SGCZ: variants seen among roughly 807,000 people sequenced by gnomAD.
SGCZ encodes the protein zeta-sarcoglycan.
Under a neutral mutation model 41.3 loss-of-function variants are expected in SGCZ, and 40 were observed. The observed-to-expected ratio is 0.97, with a 90% CI of 0.75 to 1.26. The LOEUF is 1.26. Ranked by LOEUF, SGCZ falls within the 50% of genes most tolerant of loss-of-function variation. The probability of loss-of-function intolerance (pLI) is 0.00; values close to 1 mark genes in which losing one functional copy is unlikely to be tolerated. For missense variants in SGCZ, 552 were observed against 369.8 expected (o/e 1.49, Z -4.04); for synonymous variants, 206 against 137.5 (o/e 1.50, Z -3.49).
chr8:14,795,608 G>A (rs779201681), intron 1 of SGCZ, among the ~76,000 whole-genome samples: 9 of 152,058 alleles, frequency 5.9e-5, no homozygotes, highest in South Asian at 2.1e-4. Context: ...TATTTTTTGC[G>A]TGCAAATTAA....
intron 1 of SGCZ, among the ~76,000 whole-genome samples, chr8:15,121,456 G>T (rs1807473084): frequency 6.6e-6 from 1 of 152,126 alleles, no homozygotes; most frequent in African/African-American, 2.4e-5. Flanking sequence ...GTACCAAGAA[G>T]ACTCATTGAG....
chr8:14,284,155 C>G (rs1292826737), intron 3 of SGCZ, among the ~76,000 whole-genome samples: 1 of 152,172 alleles, frequency 6.6e-6, no homozygotes, highest in African/African-American at 2.4e-5. Flanking sequence ...ACTTTGGAGT[C>G]CAAGGCAGGC....
chr8:14,332,381 C>CG (rs1802362993), intron 2 of SGCZ, among the ~76,000 whole-genome samples: 1 of 151,924 alleles, frequency 6.6e-6, no homozygotes, highest in Non-Finnish European at 1.5e-5. Flanking sequence ...GCGGAGCTTG[C>CG]GGTGAGCCGA....
intron 1 of SGCZ, among the ~76,000 whole-genome samples, chr8:15,140,004 C>T (rs185744366): frequency 7.2e-5 from 11 of 151,926 alleles, no homozygotes; most frequent in Middle Eastern, 6.8e-3. Context: ...GTTGGGGGGA[C>T]GGACACTGGT....
intron 1 of SGCZ, among the ~76,000 whole-genome samples, chr8:14,976,456 AC>A (rs1324994909): frequency 2.0e-5 from 3 of 152,324 alleles, no homozygotes; most frequent in Non-Finnish European, 2.9e-5. Context: ...AGTTATCATT[AC>A]CATTCCAATT....
At chr8:14,512,071 G>A (rs1481450351) in intron 2 of SGCZ, among the ~76,000 whole-genome samples, 1 of 152,222 alleles carries the variant, frequency 6.6e-6, no homozygotes, top group East Asian at 1.9e-4. Flanking sequence ...CATCACCACA[G>A]TAATAACTGA....
At position 14,415,302 on chromosome 8, in the gene SGCZ, A is replaced by G. The variant is rs1482522586; in HGVS notation, c.235-91098T>C. ...TAATACAAAAATTGTTTATCACAACAGAATATGAGTGCTTTCAGAAATAAA... is the reference window on the plus strand; with the variant it reads ...TAATACAAAAATTGTTTATCACAACGGAATATGAGTGCTTTCAGAAATAAA... On this transcript the variant is annotated intron_variant, in intron 2 of 7. Coordinates refer to ENST00000382080, the MANE Select transcript of SGCZ (RefSeq NM_139167.4). Among the ~76,000 whole-genome samples the G allele has an allele frequency of 2.6e-5, 4 of 151,988 alleles. No individual in the cohort carries two copies. The Admixed American group carries it at 2.6e-4, about 10-fold the overall frequency.
chr8:14,329,140 C>T (rs1802227061), intron 2 of SGCZ, among the ~76,000 whole-genome samples: 3 of 152,086 alleles, frequency 2.0e-5, no homozygotes. Context: ...ATGTGATTTA[C>T]CTATTGTTCA....
At chr8:15,189,505 A>G (rs9325744) in intron 1 of SGCZ, among the ~76,000 whole-genome samples, 21,199 of 152,046 alleles carry the variant, frequency 0.14, 1,630 homozygotes, top group African/African-American at 0.19. Flanking sequence ...ATTTCTCATC[A>G]CGCTCAAGGG....
chr8:15,018,250 C>T (rs1022296521), intron 1 of SGCZ, among the ~76,000 whole-genome samples: 2 of 151,634 alleles, frequency 1.3e-5, no homozygotes, highest in Non-Finnish European at 2.9e-5. Flanking sequence ...AGGACAGACA[C>T]TGTTCTAAGC....
At chr8:15,159,927 G>A (rs556423591) in intron 1 of SGCZ, among the ~76,000 whole-genome samples, 1 of 151,710 alleles carries the variant, frequency 6.6e-6, no homozygotes, top group Non-Finnish European at 1.5e-5. Context: ...AGGCACTTAG[G>A]GGGAAAAAGG....
intron 1 of SGCZ, among the ~76,000 whole-genome samples, chr8:15,001,325 A>G (rs1314901954): frequency 6.6e-6 from 1 of 152,236 alleles, no homozygotes; most frequent in African/African-American, 2.4e-5. Flanking sequence ...TGTTGGATGC[A>G]TCAAGAGCTG....
At chr8:14,746,707 G>C (rs1015649388) in intron 1 of SGCZ, among the ~76,000 whole-genome samples, 4 of 152,120 alleles carry the variant, frequency 2.6e-5, no homozygotes, top group Non-Finnish European at 5.9e-5. Context: ...TGATTATATG[G>C]TGACTCCTAA....
intron 4 of SGCZ, among the ~76,000 whole-genome samples, chr8:14,237,121 GTTTA>G (rs1393459171): frequency 2.0e-5 from 3 of 152,040 alleles, no homozygotes; most frequent in East Asian, 1.9e-4. Context: ...GTTTCCTTAA[GTTTA>G]TTTATTATAA....
intron 1 of SGCZ, among the ~76,000 whole-genome samples, chr8:14,803,416 G>A (rs1341133298): frequency 6.6e-6 from 1 of 152,140 alleles, no homozygotes; most frequent in Non-Finnish European, 1.5e-5. Flanking sequence ...CCTCACTCGG[G>A]AATCGCAAGG....
At chr8:14,171,106 T>A (rs1272243504) in intron 4 of SGCZ, among the ~76,000 whole-genome samples, 1 of 151,708 alleles carries the variant, frequency 6.6e-6, no homozygotes, top group African/African-American at 2.4e-5. Flanking sequence ...TAAAATGTTT[T>A]GCATTGCATC....
At chr8:14,851,883 GA>G (rs1803341228) in intron 1 of SGCZ, among the ~76,000 whole-genome samples, 1 of 151,824 alleles carries the variant, frequency 6.6e-6, no homozygotes, top group Non-Finnish European at 1.5e-5. Context: ...TTATATGCAG[GA>G]TAACCAGTTT....
In SGCZ at chr8:15,010,853, G is replaced by A. The variant is rs372530626; in HGVS notation, c.39+226732C>T. On this transcript the variant is annotated intron_variant, in intron 1 of 7. Transcript: ENST00000382080. ...GGACACTTGGGCTAAGAAACACGACGTGCCAAACAATAATTTGCACAGATG... is the reference window on the plus strand; with the variant it reads ...GGACACTTGGGCTAAGAAACACGACATGCCAAACAATAATTTGCACAGATG... Among the ~76,000 whole-genome samples, 258 of 152,220 alleles carry A rather than the reference G, an allele frequency of 1.7e-3. 6 individuals are homozygous for A. The South Asian group carries it at 0.039, about 23-fold the overall frequency.
At chr8:14,753,887 A>T (rs1025722785) in intron 1 of SGCZ, among the ~76,000 whole-genome samples, 2 of 152,204 alleles carry the variant, frequency 1.3e-5, no homozygotes, top group East Asian at 3.9e-4. Flanking sequence ...TTGCTGTGGT[A>T]GCAGAAGACC....
Sources: allele counts gnomAD v4.1 joint callset (sites outside exome capture counted in the v4.1 genomes callset), GRCh38; gene constraint gnomAD v4.1.1; transcripts MANE v1.5; gene names NCBI Gene and HGNC (gene_info 2026-07-23, HGNC 2026-07-21).